The following PPM1E variants were observed in gnomAD, a reference collection of about 807,000 sequenced individuals.
PPM1E encodes protein phosphatase, Mg2+/Mn2+ dependent 1E.
PPM1E carries 20 observed loss-of-function variants against 65.9 expected under a neutral mutation model. That is an observed-to-expected ratio of 0.30 (90% CI 0.21 to 0.44). PPM1E has a LOEUF of 0.44. Among genes scored for constraint, PPM1E ranks in the 20% least tolerant of loss-of-function variants. The pLI, the probability that PPM1E is intolerant of heterozygous loss-of-function variation, is 1.00. For missense variants in PPM1E, 713 were observed against 953.1 expected (o/e 0.75, Z 3.32); for synonymous variants, 352 against 374.9 (o/e 0.94, Z 0.70).
At chr17:58,929,024 A>G (rs2051860408) in intron 1 of PPM1E, among the ~76,000 whole-genome samples, 2 of 152,212 alleles carry the variant, frequency 1.3e-5, no homozygotes, top group South Asian at 2.1e-4. Context: ...ATTTTAATAT[A>G]GCTTTATTCA....
At chr17:58,819,473 A>T (rs4482353) in intron 1 of PPM1E, among the ~76,000 whole-genome samples, 6 of 151,944 alleles carry the variant, frequency 3.9e-5, no homozygotes, top group Non-Finnish European at 8.8e-5. Context: ...TTCTAATTAC[A>T]TTTTTTGTTT....
At chr17:58,978,949 A>G (rs952282886) in intron 6 of PPM1E, among the ~76,000 whole-genome samples, 8 of 151,990 alleles carry the variant, frequency 5.3e-5, no homozygotes, top group Non-Finnish European at 8.8e-5. Context: ...CTCCTACCCC[A>G]AGCACCCTAC....
Position 58,984,834 on chromosome 17 carries a change from A to G in PPM1E, c.*3803A>G, listed in dbSNP as rs28682369. On this transcript the variant is annotated 3_prime_UTR_variant, in exon 7 of 7. Transcript: ENST00000308249. ...GAAAACATGAAATAGGGAACTCCAG[A>G]CTGACACAGCAGTTGTTTTTGAAAA... 75 of 152,570 alleles carry G rather than the reference A, an allele frequency of 4.9e-4. No homozygotes were observed. Among genetic ancestry groups the G allele is most frequent in the African/African-American group, 1.8e-3 (75 of 41,590 alleles). The allele number at this position is 152,570 out of a possible 1,614,324, so 9.5% of individuals were successfully genotyped here. A position where few individuals can be genotyped will look rare whatever the true frequency, so the allele number is the denominator to read the frequency against.
At chr17:58,855,000 G>A (rs1404991053) in intron 1 of PPM1E, among the ~76,000 whole-genome samples, 2 of 152,154 alleles carry the variant, frequency 1.3e-5, no homozygotes, top group Non-Finnish European at 1.5e-5. Context: ...AGGGAAATCT[G>A]AATTGTAATT....
chr17:58,870,208 A>T (rs1328857870), intron 1 of PPM1E, among the ~76,000 whole-genome samples: 2 of 152,196 alleles, frequency 1.3e-5, no homozygotes, highest in Non-Finnish European at 2.9e-5. Flanking sequence ...GGAGAAGAAG[A>T]AATGTCAGGG....
intron 1 of PPM1E, among the ~76,000 whole-genome samples, chr17:58,795,576 C>T (rs970988609): frequency 1.3e-5 from 2 of 151,772 alleles, no homozygotes; most frequent in Non-Finnish European, 2.9e-5. Context: ...TGGTGGCGCA[C>T]GCCTGTGGTC....
At position 58,769,623 on chromosome 17, in the gene PPM1E, A is replaced by G. The variant is rs147016943; in HGVS notation, c.464+13162A>G. Among the ~76,000 whole-genome samples the G allele has an allele frequency of 3.7e-3, 564 of 152,228 alleles. 3 individuals carry two copies. Among genetic ancestry groups the G allele is most frequent in the Non-Finnish European group, 5.6e-3 (381 of 68,014 alleles). ...AGAGCCAGACCTTGTCTCAAAAAGT[A>G]TATATAAAAATGAAAAGAGAAATAT... On this transcript the variant is annotated intron_variant, in intron 1 of 6. Coordinates refer to ENST00000308249, the MANE Select transcript of PPM1E (RefSeq NM_014906.5).
chr17:58,807,464 G>A (rs1305940689), intron 1 of PPM1E, among the ~76,000 whole-genome samples: 1 of 152,146 alleles, frequency 6.6e-6, no homozygotes, highest in Non-Finnish European at 1.5e-5. Context: ...GGTTTTTGGT[G>A]AATTCTATAA....
intron 6 of PPM1E, among the ~76,000 whole-genome samples, chr17:58,976,700 G>T (rs544564459): frequency 6.6e-6 from 1 of 152,134 alleles, no homozygotes; most frequent in Non-Finnish European, 1.5e-5. Flanking sequence ...ATTTGGGGGC[G>T]AAATGTCATG....
chr17:58,803,803 G>T (rs2050280607), intron 1 of PPM1E, among the ~76,000 whole-genome samples: 1 of 152,182 alleles, frequency 6.6e-6, no homozygotes, highest in Admixed American at 6.5e-5. Context: ...CTTCTAGGCT[G>T]CCAGGATTTA....
chr17:58,836,549 C>T (rs1421101037), intron 1 of PPM1E, among the ~76,000 whole-genome samples: 1 of 151,042 alleles, frequency 6.6e-6, no homozygotes, highest in African/African-American at 2.4e-5. Flanking sequence ...ACTGCAACCT[C>T]TGCCGCCCAG....
chr17:58,806,706 T>C (rs1191628703), intron 1 of PPM1E, among the ~76,000 whole-genome samples: 1 of 110,918 alleles, frequency 9.0e-6, no homozygotes, highest in Non-Finnish European at 1.7e-5. Context: ...TTCTTTTTTT[T>C]TTTTTTTTTT....
chr17:58,837,320 A>ACACACATAC (rs1567849044), intron 1 of PPM1E, among the ~76,000 whole-genome samples: 443 of 120,254 alleles, frequency 3.7e-3, no homozygotes, highest in African/African-American at 0.014. Context: ...GAATGAGAAT[A>ACACACATAC]ACACACACAC....
intron 1 of PPM1E, among the ~76,000 whole-genome samples, chr17:58,778,057 G>C (rs1291888618): frequency 6.6e-6 from 1 of 151,936 alleles, no homozygotes; most frequent in Non-Finnish European, 1.5e-5. Context: ...AGCCTCCTGA[G>C]TAGCTAGCTG....
At chr17:58,946,529 C>T (rs536292496) in intron 1 of PPM1E, among the ~76,000 whole-genome samples, 7 of 152,086 alleles carry the variant, frequency 4.6e-5, no homozygotes, top group Non-Finnish European at 1.0e-4. Flanking sequence ...GATTATGGCT[C>T]ACTGCAGCCT....
intron 1 of PPM1E, among the ~76,000 whole-genome samples, chr17:58,859,557 G>C (rs1218023575): frequency 6.6e-6 from 1 of 152,202 alleles, no homozygotes; most frequent in Non-Finnish European, 1.5e-5. Context: ...TTGTCAGACT[G>C]TAAAGCAAAT....
At chr17:58,764,291 C>T (rs1598555589) in intron 1 of PPM1E, among the ~76,000 whole-genome samples, 1 of 152,000 alleles carries the variant, frequency 6.6e-6, no homozygotes, top group East Asian at 1.9e-4. Context: ...ACCACAACTA[C>T]AACAACAAAA....
chr17:58,929,830 A>G (rs554787860), intron 1 of PPM1E, among the ~76,000 whole-genome samples: 3 of 152,284 alleles, frequency 2.0e-5, no homozygotes, highest in African/African-American at 4.8e-5. Context: ...CACAGAACCA[A>G]TAGAGATACA....
At chr17:58,830,292 G>GTTGTTATTATTATTATTATTA (rs1555612724) in intron 1 of PPM1E, among the ~76,000 whole-genome samples, 1 of 146,816 alleles carries the variant, frequency 6.8e-6, no homozygotes, top group Non-Finnish European at 1.5e-5. Flanking sequence ...TGTTGTTGTT[G>GTTGTTATTATTATTATTATTA]TTATTATTAT....
Sources: gnomAD v4.1 joint callset for allele counts (sites outside exome capture counted in the v4.1 genomes callset) on GRCh38, gnomAD v4.1.1 for gene constraint, MANE v1.5 for transcripts, NCBI Gene and HGNC (gene_info 2026-07-23, HGNC 2026-07-21) for gene names.